MAPK12: variants seen among roughly 807,000 people sequenced by gnomAD.
MAPK12 encodes the protein mitogen-activated protein kinase 12.
Under a neutral mutation model 49.1 loss-of-function variants are expected in MAPK12, and 49 were observed. The ratio of observed to expected loss-of-function variants is 1.00; its 90% confidence interval spans 0.79 to 1.27. The LOEUF is 1.27. Ranked by LOEUF, MAPK12 falls within the 50% of genes most tolerant of loss-of-function variation. The pLI is 0.00. For missense variants in MAPK12, 554 were observed against 502.4 expected, an observed-to-expected ratio of 1.10 and a Z score of -0.98; for synonymous variants, 251 against 209.7, an observed-to-expected ratio of 1.20 and a Z score of -1.70.
Position 50,257,340 on chromosome 22 carries a change from T to G in MAPK12, c.315-147A>C, listed in dbSNP as rs1232814620. 3 of 639,936 alleles carry G rather than the reference T, an allele frequency of 4.7e-6. No individual in the cohort carries two copies. The African/African-American group carries it at 5.4e-5, about 11-fold the overall frequency. The allele number at this position is 639,936 out of a possible 1,614,324, so 39.6% of individuals were successfully genotyped here. A position where few individuals can be genotyped will look rare whatever the true frequency, so the allele number is the denominator to read the frequency against. ...CCTGCAGCACACATCCACACTGGCCTCGGTGTCCTCGCAGCCCCACCTTGC... is the reference window on the plus strand; with the variant it reads ...CCTGCAGCACACATCCACACTGGCCGCGGTGTCCTCGCAGCCCCACCTTGC... On this transcript the variant is annotated intron_variant, in intron 3 of 11. Coordinates refer to ENST00000215659, the MANE Select transcript of MAPK12 (RefSeq NM_002969.6).
intron 11 of MAPK12, chr22:50,254,891 C>G: frequency 7.9e-7 from 1 of 1,266,200 alleles, no homozygotes; most frequent in Non-Finnish European, 1.0e-6. Context: ...CTGAGCCTGC[C>G]AGGAACACCC....
At chr22:50,253,502 G>GGGGGGGGGGGGGCCCCCCCCCCC in intron 11 of MAPK12, 22 bp from the exon 12 acceptor site, 1 of 171,642 alleles carries the variant, frequency 5.8e-6, no homozygotes, top group South Asian at 4.5e-5. Flanking sequence ...GGGGGGGCGG[G>GGGGGGGGGGGGGCCCCCCCCCCC]CACAACAGAG....
rs749438352 is a variant in MAPK12, at chr22:50,257,063, C to T, written c.426+19G>A. The T allele has an allele frequency of 3.1e-5, 50 of 1,609,498 alleles. No homozygotes were observed. The highest frequency in any genetic ancestry group is 4.0e-5 in the Non-Finnish European group (47 of 1,178,114). The stretch of plus-strand genomic sequence containing the variant: ...CGAGGCCCTGCCTGCCTCCCTGCAG[C>T]CTCCCCCGGGGCCCGTACCCTCAGC... On this transcript the variant is annotated intron_variant, in intron 4 of 11. Coordinates refer to ENST00000215659, the MANE Select transcript of MAPK12 (RefSeq NM_002969.6).
Position 50,253,491 on chromosome 22 carries a change from TG to T in MAPK12, c.1025-12del, listed in dbSNP as rs776558109. ...CTTTGTAAGTAACACCTGGCGGGGG[TG>T]GGGGGGCGGGCACAACAGAGAGGGG... On this transcript the variant is annotated splice_polypyrimidine_tract_variant and intron_variant, in intron 11 of 11. Transcript: ENST00000215659. The T allele has an allele frequency of 3.3e-4, 34 of 104,272 alleles. No homozygotes were observed. Among genetic ancestry groups the T allele is most frequent in the Middle Eastern group, 2.2e-3 (1 of 450 alleles). The allele number at this position is 104,272 out of a possible 1,614,324, so 6.5% of individuals were successfully genotyped here. A position where few individuals can be genotyped will look rare whatever the true frequency, so the allele number is the denominator to read the frequency against.
chr22:50,261,599 G>C lies in MAPK12; in HGVS notation c.-90C>G, dbSNP rs1213313563. ...GCTCCCTCGGCGCGCGCCTCGGGCC[G>C]GCTCCGCGCCGCTCGTCCGCTCGCC... On this transcript the variant is annotated 5_prime_UTR_variant, in exon 1 of 12. Transcript: ENST00000215659. 2.0e-6 allele frequency: 2 copies of C among 1,009,854 alleles called. No homozygotes were observed. The highest frequency in any genetic ancestry group is 2.4e-6 in the Non-Finnish European group (2 of 847,582). The allele number at this position is 1,009,854 out of a possible 1,614,324, so 62.6% of individuals were successfully genotyped here. A position where few individuals can be genotyped will look rare whatever the true frequency, so the allele number is the denominator to read the frequency against.
intron 9 of MAPK12, 37 bp downstream of exon 9, chr22:50,255,578 G>GCCCCCCCCCCCCCCCCCCTCCCCCCCCC: frequency 6.3e-7 from 1 of 1,582,030 alleles, no homozygotes; most frequent in Admixed American, 1.7e-5. Flanking sequence ...GCCCAGGTCC[G>GCCCCCCCCCCCCCCCCCCTCCCCCCCCC]CCCCCACCCC....
At chr22:50,260,976 G>A (rs1601647252) in intron 2 of MAPK12, 191 bp downstream of exon 2, 5 of 575,502 alleles carry the variant, frequency 8.7e-6, no homozygotes, top group South Asian at 2.6e-5. Flanking sequence ...GATGGGGAAC[G>A]GCCCTTGGGG....
rs142195270 is a variant in MAPK12, at chr22:50,256,938, G to A, written c.453C>T (p.His151=). The change falls in exon 5 of 12, where the codon CAC becomes CAT. Residue 151 remains histidine, a synonymous_variant. Coordinates refer to ENST00000215659, the MANE Select transcript of MAPK12 (RefSeq NM_002969.6). The part of the protein sequence containing the change: ...LRYIHAAGII[H]RDLKPGNLAV... ...CGGCTTCTCCACCGGGACTCACTCT[G>A]TGGATGATGCCGGCAGCGTGGATAT... The A allele has an allele frequency of 4.4e-6, 7 of 1,606,748 alleles. No homozygotes were observed. In the African/African-American group the frequency reaches 9.3e-5, roughly 21 times the overall value.
At position 50,258,295 on chromosome 22, in the gene MAPK12, C is replaced by G. The variant is rs201816702; in HGVS notation, c.262G>C (p.Gly88Arg). 6.2e-7 allele frequency: 1 copy of G among 1,613,022 alleles called. No individual in the cohort carries two copies. Residue 88 changes from glycine to arginine, a missense_variant, in exon 3 of 12, where the codon GGG (glycine) becomes CGG (arginine). Transcript: ENST00000215659. Reference protein sequence around the residue: ...LKHMRHENVIGLLDVFTPDET... With the variant: ...LKHMRHENVIRLLDVFTPDET... ...TCAGGAGTGAATACGTCCAGCAGCC[C>G]GATCACCTGGGGGGGCCACATAGGG... is the stretch of plus-strand genomic sequence containing the variant.
chr22:50,254,673 G>A, intron 11 of MAPK12: 1 of 1,015,972 alleles, frequency 9.8e-7, no homozygotes, highest in African/African-American at 1.7e-5. Flanking sequence ...ATGGGGCAAG[G>A]AGAGGCAAGG....
intron 3 of MAPK12, chr22:50,257,674 G>A (rs2065164362): frequency 6.7e-6 from 4 of 594,914 alleles, no homozygotes; most frequent in Non-Finnish European, 9.0e-6. Flanking sequence ...GGCCGGTGGA[G>A]ACAGACACAG....
chr22:50,254,945 G>C, intron 11 of MAPK12: 1 of 1,382,408 alleles, frequency 7.2e-7, no homozygotes, highest in Non-Finnish European at 9.4e-7. Context: ...TCTCCACCAG[G>C]CCACACGGCC....
intron 6 of MAPK12, 58 bp downstream of exon 6, chr22:50,256,541 G>A: frequency 1.3e-6 from 2 of 1,574,882 alleles, no homozygotes; most frequent in Non-Finnish European, 1.7e-6. Context: ...TGGATAGATG[G>A]GCAGATCCAG....
intron 2 of MAPK12, among the ~76,000 whole-genome samples, chr22:50,259,617 T>C (rs2065188399): frequency 2.0e-5 from 3 of 151,960 alleles, no homozygotes; most frequent in Admixed American, 2.0e-4. Flanking sequence ...GCGCGGTGGC[T>C]CACGCCTGTA....
Position 50,260,906 on chromosome 22 carries a change from G to C in MAPK12, c.255+261C>G, listed in dbSNP as rs559550249. 1.1e-5 allele frequency: 4 copies of C among 351,928 alleles called. No individual in the cohort carries two copies. The East Asian group carries it at 2.1e-4, about 19-fold the overall frequency. The allele number at this position is 351,928 out of a possible 1,614,324, so 21.8% of individuals were successfully genotyped here. On this transcript the variant is annotated intron_variant, in intron 2 of 11. Coordinates refer to ENST00000215659, the MANE Select transcript of MAPK12 (RefSeq NM_002969.6). ...TGGGCCTGGCCAAGTCGTGTTCCCTGACCAGGGCCTGGCTGAGGCGCCGAG... is the reference window on the plus strand; with the variant it reads ...TGGGCCTGGCCAAGTCGTGTTCCCTCACCAGGGCCTGGCTGAGGCGCCGAG...
In MAPK12 at chr22:50,261,615, T is replaced by G; in HGVS notation, c.-106A>C. ...CCTCGGGCCGGCTCCGCGCCGCTCG[T>G]CCGCTCGCCCGCCCGCCCGCCGGCC... On this transcript the variant is annotated 5_prime_UTR_variant, in exon 1 of 12. Transcript: ENST00000215659. 2 of 960,438 alleles carry G rather than the reference T, an allele frequency of 2.1e-6. No homozygotes were observed. The highest frequency in any genetic ancestry group is 1.2e-6 in the Non-Finnish European group (1 of 813,574). 59.5% of individuals were successfully genotyped at this position (960,438 alleles called of 1,614,324 possible).
In MAPK12 at chr22:50,258,270, T is replaced by A. The variant is rs1466181193; in HGVS notation, c.287A>T (p.Asp96Val). The A allele has an allele frequency of 6.2e-7, 1 of 1,613,112 alleles. No individual in the cohort carries two copies. The highest frequency in any genetic ancestry group is 8.5e-7 in the Non-Finnish European group (1 of 1,179,980). The change falls in exon 3 of 12, where the codon GAT (aspartate) becomes GTT (valine). Residue 96 changes from aspartate to valine, a missense_variant. Transcript: ENST00000215659. ...GTCCGTGAAGTCATCCAGGGTCTCA[T>A]CAGGAGTGAATACGTCCAGCAGCCC... ...VIGLLDVFTPDETLDDFTDFY... is the reference protein window; with the variant it reads ...VIGLLDVFTPVETLDDFTDFY...
chr22:50,254,899 C>T, intron 11 of MAPK12: 2 of 1,285,966 alleles, frequency 1.6e-6, no homozygotes, highest in African/African-American at 1.5e-5. Context: ...GCCAGGAACA[C>T]CCTTCCCTTC....
intron 2 of MAPK12, 59 bp downstream of exon 2, chr22:50,261,108 G>A (rs951767671): frequency 9.5e-6 from 14 of 1,477,476 alleles, no homozygotes; most frequent in Admixed American, 8.2e-5. Context: ...GGGGAACCCA[G>A]CCCAGCTGAA....
Sources: allele counts gnomAD v4.1 joint callset (sites outside exome capture counted in the v4.1 genomes callset), GRCh38; gene constraint gnomAD v4.1.1; transcripts MANE v1.5; gene names NCBI Gene and HGNC (gene_info 2026-07-23, HGNC 2026-07-21).